The following CTNNA2 variants were observed in gnomAD, a reference collection of about 807,000 sequenced individuals.
CTNNA2 encodes catenin alpha 2.
CTNNA2 carries 42 observed loss-of-function variants against 101.0 expected under a neutral mutation model. That is an observed-to-expected ratio of 0.42 (90% CI 0.32 to 0.54). The LOEUF (loss-of-function observed/expected upper bound fraction) is 0.54. Ranked by LOEUF, CTNNA2 falls within the 20% of genes least tolerant of loss-of-function variation. The pLI, the probability that CTNNA2 is intolerant of heterozygous loss-of-function variation, is 0.14. For synonymous variants in CTNNA2, 450 were observed against 456.4 expected (o/e 0.99, Z 0.18); for missense variants, 871 against 1,223.1 (o/e 0.71, Z 4.29).
At chr2:79,405,663 G>C (rs1272182869) in intron 4 of CTNNA2, among the ~76,000 whole-genome samples, 1 of 151,934 alleles carries the variant, frequency 6.6e-6, no homozygotes, top group African/African-American at 2.4e-5. Context: ...TTGACACAGA[G>C]TAATTGTATA....
At chr2:79,468,471 G>A (rs1464681571) in intron 4 of CTNNA2, among the ~76,000 whole-genome samples, 40 of 152,144 alleles carry the variant, frequency 2.6e-4, no homozygotes, top group Non-Finnish European at 4.7e-4. Flanking sequence ...ACAGATCAAC[G>A]AGACAGAAAG....
At chr2:79,598,372 G>T (rs913512410) in intron 1 of CTNNA2, among the ~76,000 whole-genome samples, 2 of 152,186 alleles carry the variant, frequency 1.3e-5, no homozygotes, top group Non-Finnish European at 2.9e-5. Context: ...GTTTAGTGTT[G>T]TAAGAAACTA....
intron 4 of CTNNA2, among the ~76,000 whole-genome samples, chr2:79,437,818 G>A (rs780967950): frequency 1.9e-4 from 29 of 152,164 alleles, no homozygotes; most frequent in Non-Finnish European, 3.8e-4. Context: ...AAGTGGTAAT[G>A]AATCTAACGC....
At chr2:80,266,357 G>A (rs1165709531) in intron 7 of CTNNA2, among the ~76,000 whole-genome samples, 3 of 152,214 alleles carry the variant, frequency 2.0e-5, no homozygotes, top group African/African-American at 2.4e-5. Flanking sequence ...AAGTGTGGTC[G>A]AGAGTCCTAT....
intron 15 of CTNNA2, among the ~76,000 whole-genome samples, chr2:80,593,223 C>T (rs17019445): frequency 0.31 from 47,280 of 151,948 alleles, 9,037 homozygotes; most frequent in East Asian, 0.43. Flanking sequence ...GGCTGTGGGT[C>T]GCAATTTTAA....
At position 80,093,517 on chromosome 2, in the gene CTNNA2, T is replaced by C. The variant is rs1000050922; in HGVS notation, c.1056+183720T>C. On this transcript the variant is annotated intron_variant, in intron 7 of 18. Coordinates refer to ENST00000402739, the MANE Select transcript of CTNNA2 (RefSeq NM_001282597.3). ...TGATTTATAATCCTTTGGGTATATA[T>C]CCAGTAATGGGATGGCTGGGTCAAA... Among the ~76,000 whole-genome samples, 49 of 152,200 alleles carry C rather than the reference T, an allele frequency of 3.2e-4. 1 individual carries two copies. Among genetic ancestry groups the C allele is most frequent in the African/African-American group, 1.1e-3 (44 of 41,542 alleles).
chr2:80,544,140 T>C (rs1019710982), intron 9 of CTNNA2, among the ~76,000 whole-genome samples: 5 of 152,040 alleles, frequency 3.3e-5, no homozygotes, highest in Admixed American at 2.0e-4. Flanking sequence ...TGGGGTAGCA[T>C]AGTGTTCCTA....
Position 79,193,273 on chromosome 2 carries a change from C to T in CTNNA2, c.-523-4686C>T, listed in dbSNP as rs145847127. On this transcript the variant is annotated intron_variant, in intron 1 of 21. Coordinates refer to the CTNNA2 transcript ENST00000466387. ...GTCATGCTCTTTATACAGTCACATG[C>T]CTCATAATGTTTTGGTCAACAACAG... Among the ~76,000 whole-genome samples, 976 of 152,192 alleles carry T rather than the reference C, an allele frequency of 6.4e-3. 11 individuals carry two copies. The highest frequency in any genetic ancestry group is 0.022 in the African/African-American group (917 of 41,522).
At chr2:79,489,088 T>G (rs1286791747) in intron 4 of CTNNA2, among the ~76,000 whole-genome samples, 1 of 152,206 alleles carries the variant, frequency 6.6e-6, no homozygotes, top group South Asian at 2.1e-4. Context: ...TTGCTCCTAC[T>G]GCTTCTACTC....
chr2:79,985,851 T>C (rs1691717362), intron 7 of CTNNA2, among the ~76,000 whole-genome samples: 1 of 152,128 alleles, frequency 6.6e-6, no homozygotes, highest in African/African-American at 2.4e-5. Context: ...CCAGATATCA[T>C]ACCAGGGCAA....
intron 4 of CTNNA2, among the ~76,000 whole-genome samples, chr2:79,391,488 G>A (rs895365852): frequency 2.0e-5 from 3 of 152,168 alleles, no homozygotes; most frequent in Non-Finnish European, 4.4e-5. Flanking sequence ...GACTGCTTAT[G>A]TTATCAGTAA....
intron 2 of CTNNA2, among the ~76,000 whole-genome samples, chr2:79,298,614 C>A (rs1676037007): frequency 6.6e-6 from 1 of 152,138 alleles, no homozygotes; most frequent in African/African-American, 2.4e-5. Context: ...TCCTTAAGTT[C>A]TTTCCTTAAT....
At chr2:80,483,561 T>G (rs374938543) in intron 9 of CTNNA2, among the ~76,000 whole-genome samples, 1 of 152,156 alleles carries the variant, frequency 6.6e-6, no homozygotes, top group African/African-American at 2.4e-5. Context: ...TCAGAGTTCC[T>G]GTCTTGGAAG....
At chr2:80,221,269 G>A (rs1708561254) in intron 7 of CTNNA2, among the ~76,000 whole-genome samples, 1 of 152,172 alleles carries the variant, frequency 6.6e-6, no homozygotes, top group South Asian at 2.1e-4. Context: ...TAGGATTACT[G>A]CCCTCTTTCA....
At chr2:79,684,969 C>G (rs1169462454) in intron 2 of CTNNA2, among the ~76,000 whole-genome samples, 1 of 152,102 alleles carries the variant, frequency 6.6e-6, no homozygotes, top group Admixed American at 6.5e-5. Flanking sequence ...ACAGAGGAAA[C>G]AATGCACCTA....
intron 7 of CTNNA2, among the ~76,000 whole-genome samples, chr2:80,348,089 A>G (rs1672938070): frequency 6.6e-6 from 1 of 152,124 alleles, no homozygotes; most frequent in Non-Finnish European, 1.5e-5. Flanking sequence ...CATCTCAGGC[A>G]CATGTGAATG....
chr2:79,357,119 G>A (rs1677525045), intron 3 of CTNNA2, among the ~76,000 whole-genome samples: 1 of 152,110 alleles, frequency 6.6e-6, no homozygotes, highest in South Asian at 2.1e-4. Flanking sequence ...TTGAGCCCAG[G>A]AGTTTGAGAC....
rs1338000503 is a variant in CTNNA2, at chr2:79,489,533, CTTGGAG to C, written c.-134-15517_-134-15512del. On this transcript the variant is annotated intron_variant, in intron 4 of 21. Coordinates refer to the CTNNA2 transcript ENST00000466387. The stretch of plus-strand genomic sequence containing the variant: ...ATGTAGGGCTTTCTGGTAAGCAGGG[CTTGGAG>C]TTGATGTCCAAAAATGACTAAAACT... Among the ~76,000 whole-genome samples, 29 of 152,258 alleles carry C rather than the reference CTTGGAG, an allele frequency of 1.9e-4. No homozygotes were observed. In the East Asian group the frequency reaches 5.6e-3, roughly 29 times the overall value.
chr2:80,117,074 T>C (rs1701566143), intron 7 of CTNNA2, among the ~76,000 whole-genome samples: 1 of 152,106 alleles, frequency 6.6e-6, no homozygotes, highest in Non-Finnish European at 1.5e-5. Flanking sequence ...AATTCAAGAG[T>C]ACCTTTCCAC....
Sources: gnomAD v4.1 joint callset for allele counts (sites outside exome capture counted in the v4.1 genomes callset) on GRCh38, gnomAD v4.1.1 for gene constraint, MANE v1.5 for transcripts, NCBI Gene and HGNC (gene_info 2026-07-23, HGNC 2026-07-21) for gene names.